The following MPZL1 variants were observed in gnomAD, a reference collection of about 807,000 sequenced individuals.
MPZL1 encodes myelin protein zero like 1.
MPZL1 carries 16 observed loss-of-function variants against 29.3 expected under a neutral mutation model. The ratio of observed to expected loss-of-function variants is 0.55; its 90% confidence interval spans 0.37 to 0.83. The LOEUF is 0.83. Among genes scored for constraint, MPZL1 ranks in the 40% least tolerant of loss-of-function variants. MPZL1 has a pLI of 0.00. For synonymous variants in MPZL1, 143 were observed against 132.0 expected, an observed-to-expected ratio of 1.08 and a Z score of -0.57; for missense variants, 279 against 332.9, an observed-to-expected ratio of 0.84 and a Z score of 1.26.
intron 1 of MPZL1, among the ~76,000 whole-genome samples, chr1:167,728,666 T>C (rs1660205737): frequency 6.6e-6 from 1 of 151,942 alleles, no homozygotes; most frequent in Non-Finnish European, 1.5e-5. Flanking sequence ...GAAACTGTGA[T>C]ACCTTATGAT....
chr1:167,735,286 G>A (rs1310265406), intron 1 of MPZL1, among the ~76,000 whole-genome samples: 1 of 152,088 alleles, frequency 6.6e-6, no homozygotes, highest in Non-Finnish European at 1.5e-5. Context: ...GTACCCAATG[G>A]TGACATTTTG....
intron 1 of MPZL1, among the ~76,000 whole-genome samples, chr1:167,751,627 C>CTA (rs1030494689): frequency 1.0e-4 from 15 of 147,496 alleles, no homozygotes; most frequent in Admixed American, 2.0e-4. Context: ...GCCGAGATGG[C>CTA]ACCATTGCAC....
chr1:167,730,266 T>G (rs1660234404), intron 1 of MPZL1, among the ~76,000 whole-genome samples: 1 of 152,106 alleles, frequency 6.6e-6, no homozygotes, highest in African/African-American at 2.4e-5. Context: ...TGTTCTTTTT[T>G]TTTTCTTTTT....
Position 167,739,282 on chromosome 1 carries a change from C to CATATATACATATATATATATATATATAT in MPZL1, c.91+17047_91+17048insCATATATATATATATATATATATATATA, listed in dbSNP as rs1387652331. Among the ~76,000 whole-genome samples, 78 of 90,284 alleles carry CATATATACATATATATATATATATATAT rather than the reference C, an allele frequency of 8.6e-4. 1 individual carries two copies. Among genetic ancestry groups the CATATATACATATATATATATATATATAT allele is most frequent in the East Asian group, 3.3e-3 (12 of 3,608 alleles). 59.2% of individuals were successfully genotyped at this position (90,284 alleles called of 152,430 possible). On this transcript the variant is annotated intron_variant, in intron 1 of 5. Transcript: ENST00000359523. ...ATACACATACATATATACATATATA[C>CATATATACATATATATATATATATATAT]ATATATATATATATATATATATATA...
intron 2 of MPZL1, among the ~76,000 whole-genome samples, chr1:167,771,796 GCGAGC>G (rs1057174616): frequency 6.6e-6 from 1 of 151,984 alleles, no homozygotes; most frequent in African/African-American, 2.4e-5. Flanking sequence ...GGAGGTTGCA[GCGAGC>G]CGAGATCACA....
At chr1:167,756,109 T>C (rs1376952973) in intron 1 of MPZL1, among the ~76,000 whole-genome samples, 3 of 152,122 alleles carry the variant, frequency 2.0e-5, no homozygotes, top group Admixed American at 6.5e-5. Flanking sequence ...GCGGAAGGAA[T>C]TGACTCCGAG....
intron 2 of MPZL1, among the ~76,000 whole-genome samples, chr1:167,769,213 G>A (rs985649759): frequency 1.3e-5 from 2 of 152,114 alleles, no homozygotes; most frequent in East Asian, 1.9e-4. Context: ...GGTCTTTCAC[G>A]TTTTTGCACA....
intron 1 of MPZL1, among the ~76,000 whole-genome samples, chr1:167,727,013 A>AT (rs150396242): frequency 0.039 from 5,942 of 152,264 alleles, 368 homozygotes; most frequent in African/African-American, 0.14. Flanking sequence ...TTTTAAGAAA[A>AT]TATGATTGAT....
rs1352968558 is a variant in MPZL1 at position 167,791,099 on chromosome 1, GC to G, written c.*3180del. 1 of 152,022 alleles carries G rather than the reference GC, an allele frequency of 6.6e-6. No individual in the cohort carries two copies. Among genetic ancestry groups the G allele is most frequent in the Admixed American group, 6.6e-5 (1 of 15,252 alleles). 9.4% of individuals were successfully genotyped at this position (152,022 alleles called of 1,614,324 possible). ...GCAAGCCCCCCACCCCACCGCCTCAGCCTTCCTGGCCCCCTCAGTTCTGCTC... is the reference window on the plus strand; with the variant it reads ...GCAAGCCCCCCACCCCACCGCCTCAGCTTCCTGGCCCCCTCAGTTCTGCTC... On this transcript the variant is annotated 3_prime_UTR_variant, in exon 6 of 6. Coordinates refer to ENST00000359523, the MANE Select transcript of MPZL1 (RefSeq NM_003953.6).
chr1:167,760,307 A>G (rs994851014), intron 1 of MPZL1, among the ~76,000 whole-genome samples: 1 of 152,098 alleles, frequency 6.6e-6, no homozygotes, highest in African/African-American at 2.4e-5. Context: ...GGTTCACGCC[A>G]TTCTCCTGCC....
rs1393141304 is a variant in MPZL1, at chr1:167,753,523, A to G, written c.92-12060A>G. On this transcript the variant is annotated intron_variant, in intron 1 of 5. Transcript: ENST00000359523. ...CCCATGGCTGTAAAAAAGGCGAAGT[A>G]TTTCTTTCTCCATTTAATTTACCCT... Among the ~76,000 whole-genome samples the G allele has an allele frequency of 2.6e-5, 4 of 152,080 alleles. No individual in the cohort carries two copies. In the East Asian group the frequency reaches 7.7e-4, roughly 29 times the overall value.
rs375105751 is a variant in MPZL1, at chr1:167,728,427, C to T, written c.91+6185C>T. 2.7e-4 allele frequency among the ~76,000 whole-genome samples: 37 copies of T among 136,454 alleles called. No individual in the cohort carries two copies. The East Asian group carries it at 4.0e-3, about 15-fold the overall frequency. The allele number at this position is 136,454 out of a possible 152,430, so 89.5% of individuals were successfully genotyped here. A position where few individuals can be genotyped will look rare whatever the true frequency, so the allele number is the denominator to read the frequency against. ...TTCACCATATTGGCCAGGCTGGTCT[C>T]GAACTCCTGACCTCAGGTGATCCAC... is the stretch of plus-strand genomic sequence containing the variant. On this transcript the variant is annotated intron_variant, in intron 1 of 5. Transcript: ENST00000359523.
chr1:167,746,673 A>G (rs1449115853), intron 1 of MPZL1, among the ~76,000 whole-genome samples: 1 of 152,164 alleles, frequency 6.6e-6, no homozygotes, highest in Non-Finnish European at 1.5e-5. Flanking sequence ...GCTGTGTGAC[A>G]AAGTTGTTGA....
At chr1:167,735,533 A>G (rs116445023) in intron 1 of MPZL1, among the ~76,000 whole-genome samples, 2 of 152,260 alleles carry the variant, frequency 1.3e-5, no homozygotes, top group Admixed American at 6.5e-5. Context: ...TTATATAAAT[A>G]TAGATAGATA....
chr1:167,787,871 A>G lies in MPZL1; in HGVS notation c.760A>G (p.Lys254Glu). 4 of 1,613,952 alleles carry G rather than the reference A, an allele frequency of 2.5e-6. No individual in the cohort carries two copies. The highest frequency in any genetic ancestry group is 3.4e-6 in the Non-Finnish European group (4 of 1,179,790). ...CCACTCCGGCGGACATCACAGTGAC[A>G]AGATTAACAAGTCAGAGTCTGTGGT... ...LDHSGGHHSDKINKSESVVYA... is the reference protein window; with the variant it reads ...LDHSGGHHSDEINKSESVVYA... Residue 254 changes from lysine (K) to glutamate (E), a missense_variant, in exon 6 of 6, where the codon AAG becomes GAG. Physicochemically the swap from Lys to Glu is moderately conservative, Grantham distance 56 (BLOSUM62 1). Transcript: ENST00000359523.
intron 1 of MPZL1, among the ~76,000 whole-genome samples, chr1:167,725,351 G>A (rs1031641923): frequency 2.6e-5 from 4 of 151,998 alleles, no homozygotes; most frequent in African/African-American, 7.3e-5. Flanking sequence ...GCACAATCTC[G>A]GCTTACTGCA....
intron 1 of MPZL1, among the ~76,000 whole-genome samples, chr1:167,754,912 A>G (rs1660835872): frequency 6.6e-6 from 1 of 152,208 alleles, no homozygotes; most frequent in Non-Finnish European, 1.5e-5. Context: ...AGCAAAATAG[A>G]GCAGAAGGTA....
At chr1:167,739,310 C>CATATATATATAT (rs68082264) in intron 1 of MPZL1, among the ~76,000 whole-genome samples, 9 of 101,354 alleles carry the variant, frequency 8.9e-5, no homozygotes, top group African/African-American at 4.5e-4. Context: ...TATATATATA[C>CATATATATATAT]ACATATATAT....
At chr1:167,761,731 C>T (rs1056400278) in intron 1 of MPZL1, among the ~76,000 whole-genome samples, 2 of 152,224 alleles carry the variant, frequency 1.3e-5, no homozygotes, top group African/African-American at 2.4e-5. Context: ...ACATTTAAGG[C>T]GAAAATAGTC....
Sources: allele counts gnomAD v4.1 joint callset (sites outside exome capture counted in the v4.1 genomes callset), GRCh38; gene constraint gnomAD v4.1.1; transcripts MANE v1.5; gene names NCBI Gene and HGNC (gene_info 2026-07-23, HGNC 2026-07-21).